CLPB: variants seen among roughly 807,000 people sequenced by gnomAD.
The protein encoded by CLPB is ClpB family mitochondrial disaggregase.
A neutral mutation model predicts 78.4 loss-of-function variants in CLPB; 40 were observed. The observed-to-expected ratio is 0.51, with a 90% CI of 0.40 to 0.66. CLPB has a LOEUF of 0.66. Among genes scored for constraint, CLPB ranks in the 30% least tolerant of loss-of-function variants. The probability of loss-of-function intolerance (pLI) is 0.00; values close to 1 mark genes in which losing one functional copy is unlikely to be tolerated. For synonymous variants in CLPB, 333 were observed against 348.0 expected (o/e 0.96, Z 0.48); for missense variants, 780 against 886.9 (o/e 0.88, Z 1.53).
At chr11:72,400,502 G>C (rs141302701) in intron 3 of CLPB, among the ~76,000 whole-genome samples, 1 of 152,184 alleles carries the variant, frequency 6.6e-6, no homozygotes, top group Non-Finnish European at 1.5e-5. Flanking sequence ...CTAGCCATCT[G>C]ATCACTAATT....
chr11:72,302,989 C>T (rs1024798620), intron 9 of CLPB: 1 of 153,254 alleles, frequency 6.5e-6, no homozygotes, highest in African/African-American at 2.4e-5. Context: ...TTTCTCTCCA[C>T]CACAGGGTGT....
intron 6 of CLPB, among the ~76,000 whole-genome samples, chr11:72,322,227 C>A (rs1242880947): frequency 6.6e-6 from 1 of 152,166 alleles, no homozygotes; most frequent in African/African-American, 2.4e-5. Flanking sequence ...AGATTCCATT[C>A]TCCTCTCTTC....
At chr11:72,406,944 T>C (rs1048356219) in intron 2 of CLPB, among the ~76,000 whole-genome samples, 24 of 152,142 alleles carry the variant, frequency 1.6e-4, no homozygotes, top group African/African-American at 5.8e-4. Context: ...GCTTACAACT[T>C]TTTTCACAGA....
chr11:72,344,847 A>C (rs1950483040), intron 5 of CLPB, among the ~76,000 whole-genome samples: 1 of 152,226 alleles, frequency 6.6e-6, no homozygotes, highest in African/African-American at 2.4e-5. Flanking sequence ...AACAAGACCA[A>C]AAGTCCTATA....
At chr11:72,417,868 G>A (rs1261737138) in intron 2 of CLPB, among the ~76,000 whole-genome samples, 1 of 152,162 alleles carries the variant, frequency 6.6e-6, no homozygotes, top group Non-Finnish European at 1.5e-5. Flanking sequence ...CACCCCTGCT[G>A]GACTCTTGAG....
chr11:72,353,858 A>G (rs772823178), intron 5 of CLPB, among the ~76,000 whole-genome samples: 2 of 152,214 alleles, frequency 1.3e-5, no homozygotes. Context: ...TTAGGGCTCC[A>G]GTAGGGGAAA....
At chr11:72,423,938 G>A (rs1001604334) in intron 2 of CLPB, among the ~76,000 whole-genome samples, 4 of 152,084 alleles carry the variant, frequency 2.6e-5, no homozygotes, top group African/African-American at 9.7e-5. Flanking sequence ...ACTGTCTTCC[G>A]CCTTTCTCTT....
rs1949379630 is a variant in CLPB at position 72,285,800 on chromosome 11, T to C, written c.*7567A>G. On this transcript the variant is annotated 3_prime_UTR_variant, in exon 16 of 16. Coordinates refer to ENST00000538039, the MANE Select transcript of CLPB (RefSeq NM_001258392.3). ...TAGGTTATGTGTAGAAGAGCAAATA[T>C]ATATATACCTATTTGTTGCAATTGT... is the stretch of plus-strand genomic sequence containing the variant. 6.6e-6 allele frequency: 1 copy of C among 152,208 alleles called. No individual in the cohort carries two copies. The highest frequency in any genetic ancestry group is 2.4e-5 in the African/African-American group (1 of 41,458). The allele number at this position is 152,208 out of a possible 1,614,324, so 9.4% of individuals were successfully genotyped here. A position where few individuals can be genotyped will look rare whatever the true frequency, so the allele number is the denominator to read the frequency against.
intron 4 of CLPB, among the ~76,000 whole-genome samples, chr11:72,373,749 T>C (rs1166356529): frequency 6.6e-6 from 1 of 151,990 alleles, no homozygotes; most frequent in African/African-American, 2.4e-5. Flanking sequence ...AGTTAGAGAC[T>C]AGCCTGGCCA....
chr11:72,418,854 CAAA>C (rs913728201), intron 2 of CLPB, among the ~76,000 whole-genome samples: 8 of 75,248 alleles, frequency 1.1e-4, no homozygotes, highest in Non-Finnish European at 1.7e-4. Context: ...ACTCCATCTC[CAAA>C]AAAAAAAAAA....
chr11:72,334,502 G>A (rs1045736793), intron 5 of CLPB, among the ~76,000 whole-genome samples: 6 of 152,230 alleles, frequency 3.9e-5, no homozygotes, highest in African/African-American at 1.4e-4. Context: ...TTGACTAATT[G>A]CTGTAATAAT....
chr11:72,322,452 G>T (rs1413183639), intron 6 of CLPB, among the ~76,000 whole-genome samples: 2 of 152,204 alleles, frequency 1.3e-5, no homozygotes, highest in Admixed American at 6.5e-5. Context: ...CCAAAGTGCT[G>T]GGATTACAGG....
At chr11:72,411,228 A>C (rs750862233) in intron 2 of CLPB, among the ~76,000 whole-genome samples, 8 of 152,258 alleles carry the variant, frequency 5.3e-5, no homozygotes, top group Middle Eastern at 3.4e-3. Flanking sequence ...TCTCACCAAT[A>C]CTTCTGTCTG....
chr11:72,336,173 A>C (rs995873723), intron 5 of CLPB, among the ~76,000 whole-genome samples: 3 of 152,084 alleles, frequency 2.0e-5, no homozygotes, highest in African/African-American at 4.8e-5. Context: ...TCCTCCCTTG[A>C]CACTACTCTG....
At chr11:72,390,668 T>C (rs1424475914) in intron 3 of CLPB, among the ~76,000 whole-genome samples, 1 of 152,168 alleles carries the variant, frequency 6.6e-6, no homozygotes, top group African/African-American at 2.4e-5. Flanking sequence ...AGCTGAAAAA[T>C]GGCAAGTGTT....
Position 72,355,918 on chromosome 11 carries a change from G to C in CLPB, c.775+2962C>G, listed in dbSNP as rs115908393. The stretch of plus-strand genomic sequence containing the variant: ...GAGCACAGGCTGGCCTCTGTATTTA[G>C]GCCTGCTTTGGATCTCACAGAATCT... On this transcript the variant is annotated intron_variant, in intron 5 of 15. Transcript: ENST00000538039. 5.8e-3 allele frequency among the ~76,000 whole-genome samples: 886 copies of C among 152,280 alleles called. 5 individuals are homozygous for C. Among genetic ancestry groups the C allele is most frequent in the African/African-American group, 0.02 (847 of 41,562 alleles).
chr11:72,318,904 C>T (rs945195114), intron 6 of CLPB, among the ~76,000 whole-genome samples: 1 of 152,192 alleles, frequency 6.6e-6, no homozygotes, highest in Non-Finnish European at 1.5e-5. Flanking sequence ...TCCTCCCTGC[C>T]CACCCAGCCC....
Position 72,294,013 on chromosome 11 carries a change from T to C in CLPB, c.1785+9A>G. The C allele has an allele frequency of 6.2e-7, 1 of 1,612,032 alleles. No individual in the cohort carries two copies. The highest frequency in any genetic ancestry group is 1.1e-5 in the South Asian group (1 of 90,696). On this transcript the variant is annotated intron_variant, in intron 15 of 15. Transcript: ENST00000538039. ...GGAGGCGCCTCATTTCTCAGGCTCC[T>C]GTGCTCACCTCATGTTTGATGGAGC...
intron 6 of CLPB, among the ~76,000 whole-genome samples, chr11:72,327,949 A>C (rs904916723): frequency 6.6e-6 from 1 of 152,192 alleles, no homozygotes; most frequent in African/African-American, 2.4e-5. Flanking sequence ...AGAAGAAACT[A>C]CTGCAAAACA....
Sources: allele counts gnomAD v4.1 joint callset (sites outside exome capture counted in the v4.1 genomes callset), GRCh38; gene constraint gnomAD v4.1.1; transcripts MANE v1.5; gene names NCBI Gene and HGNC (gene_info 2026-07-23, HGNC 2026-07-21).